Variants in SIPA1L1 observed in about 807,000 individuals in gnomAD.
SIPA1L1 encodes signal induced proliferation associated 1 like 1.
In SIPA1L1, 26 loss-of-function variants were observed where a neutral mutation model predicts 162.7. The ratio of observed to expected loss-of-function variants is 0.16; its 90% confidence interval spans 0.12 to 0.22. SIPA1L1 has a LOEUF of 0.22. Ranked by LOEUF, SIPA1L1 falls within the 10% of genes least tolerant of loss-of-function variation. SIPA1L1 has a pLI of 1.00. For missense variants in SIPA1L1, 1,874 were observed against 2,241.0 expected (o/e 0.84, Z 3.31); for synonymous variants, 829 against 837.4 (o/e 0.99, Z 0.17).
chr14:71,420,333 G>C (rs1476910258), intron 2 of SIPA1L1, among the ~76,000 whole-genome samples: 1 of 152,150 alleles, frequency 6.6e-6, no homozygotes, highest in Non-Finnish European at 1.5e-5. Flanking sequence ...ATTTATAGAG[G>C]GAGGATTGAA....
intron 12 of SIPA1L1, among the ~76,000 whole-genome samples, chr14:71,678,844 A>C (rs923340467): frequency 4.0e-5 from 6 of 151,846 alleles, no homozygotes; most frequent in Non-Finnish European, 8.8e-5. Context: ...CAGGGATTCA[A>C]CTTCTTCCTG....
intron 2 of SIPA1L1, among the ~76,000 whole-genome samples, chr14:71,401,720 T>C (rs940600913): frequency 2.0e-5 from 3 of 152,062 alleles, no homozygotes; most frequent in African/African-American, 7.2e-5. Context: ...GTTAAATGAA[T>C]GCTAAGAAAA....
chr14:71,633,155 ATGTTC>A (rs71448374), intron 7 of SIPA1L1, among the ~76,000 whole-genome samples: 20,082 of 125,204 alleles, frequency 0.16, 1,796 homozygotes, highest in East Asian at 0.31. Context: ...ATGTTATGTT[ATGTTC>A]TGTTCTGTTC....
chr14:71,723,560 C>T, intron 17 of SIPA1L1, 87 bp from the exon 18 acceptor site: 1 of 1,478,548 alleles, frequency 6.8e-7, no homozygotes, highest in South Asian at 1.2e-5. Flanking sequence ...GTTGTTCAAC[C>T]CAGCCATCAC....
intron 2 of SIPA1L1, among the ~76,000 whole-genome samples, chr14:71,326,115 T>G (rs536837559): frequency 3.3e-5 from 5 of 152,270 alleles, no homozygotes; most frequent in Non-Finnish European, 5.9e-5. Flanking sequence ...TTAATTGTGG[T>G]TATTTCTTTT....
At chr14:71,606,325 G>A (rs2037493839) in intron 5 of SIPA1L1, among the ~76,000 whole-genome samples, 1 of 152,148 alleles carries the variant, frequency 6.6e-6, no homozygotes, top group Admixed American at 6.5e-5. Flanking sequence ...GAGGAAGGGG[G>A]TTTGCTGCCA....
At chr14:71,604,496 G>C (rs1041946460) in intron 5 of SIPA1L1, among the ~76,000 whole-genome samples, 1 of 151,986 alleles carries the variant, frequency 6.6e-6, no homozygotes, top group African/African-American at 2.4e-5. Context: ...CATGTTGGTA[G>C]TAGTTATCAT....
chr14:71,464,514 G>T (rs943059027), intron 2 of SIPA1L1, among the ~76,000 whole-genome samples: 1 of 152,060 alleles, frequency 6.6e-6, no homozygotes, highest in Non-Finnish European at 1.5e-5. Flanking sequence ...GGTGGCACAC[G>T]TCTGGAATCC....
intron 2 of SIPA1L1, among the ~76,000 whole-genome samples, chr14:71,371,942 T>C (rs1457306142): frequency 6.6e-6 from 1 of 152,200 alleles, no homozygotes; most frequent in African/African-American, 2.4e-5. Context: ...TCTTAACCCT[T>C]ACTTGATCTC....
intron 4 of SIPA1L1, among the ~76,000 whole-genome samples, chr14:71,564,390 G>T (rs1258629261): frequency 7.0e-6 from 1 of 143,026 alleles, no homozygotes; most frequent in Non-Finnish European, 1.5e-5. Context: ...AAACATACAT[G>T]GAGGTCTGCT....
At chr14:71,705,445 C>T in intron 16 of SIPA1L1, 105 bp downstream of exon 16, 1 of 874,042 alleles carries the variant, frequency 1.1e-6, no homozygotes, top group South Asian at 1.5e-5. Context: ...AAGAGGAAAT[C>T]ATTCTGGCAA....
intron 2 of SIPA1L1, among the ~76,000 whole-genome samples, chr14:71,478,608 A>G (rs956844032): frequency 2.0e-5 from 3 of 152,310 alleles, no homozygotes; most frequent in East Asian, 1.9e-4. Flanking sequence ...TGAAAACACA[A>G]TCTTTCTCCA....
chr14:71,737,033 T>C (rs1442361017), intron 22 of SIPA1L1, among the ~76,000 whole-genome samples: 2 of 152,046 alleles, frequency 1.3e-5, no homozygotes, highest in Non-Finnish European at 2.9e-5. Context: ...TGCCGTACCA[T>C]ACTATGCGGT....
chr14:71,335,667 A>T (rs1477417759), intron 2 of SIPA1L1, among the ~76,000 whole-genome samples: 1 of 152,172 alleles, frequency 6.6e-6, no homozygotes, highest in Non-Finnish European at 1.5e-5. Context: ...GGCAGAAGTT[A>T]TTTTGGATAG....
intron 3 of SIPA1L1, among the ~76,000 whole-genome samples, chr14:71,518,554 T>C (rs1045672390): frequency 3.3e-5 from 5 of 152,222 alleles, no homozygotes; most frequent in Admixed American, 2.6e-4. Context: ...ATTTTTCATG[T>C]GAACTTCACA....
At chr14:71,677,566 G>T (rs990802154) in intron 12 of SIPA1L1, among the ~76,000 whole-genome samples, 15 of 152,130 alleles carry the variant, frequency 9.9e-5, no homozygotes, top group African/African-American at 3.4e-4. Flanking sequence ...TGTCCTGAAT[G>T]GTATTGCCTA....
intron 4 of SIPA1L1, among the ~76,000 whole-genome samples, chr14:71,543,811 ATATG>A (rs1220502978): frequency 6.7e-6 from 1 of 148,462 alleles, no homozygotes; most frequent in Non-Finnish European, 1.5e-5. Context: ...TAATGTATGT[ATATG>A]TATGTGTATA....
At chr14:71,562,056 A>G (rs1341173556) in intron 4 of SIPA1L1, among the ~76,000 whole-genome samples, 1 of 152,078 alleles carries the variant, frequency 6.6e-6, no homozygotes, top group Non-Finnish European at 1.5e-5. Flanking sequence ...ACAAAGATCT[A>G]TTAATATTTT....
intron 2 of SIPA1L1, among the ~76,000 whole-genome samples, chr14:71,484,970 A>G (rs1292768727): frequency 6.6e-6 from 1 of 152,214 alleles, no homozygotes; most frequent in Non-Finnish European, 1.5e-5. Flanking sequence ...CTGATTCTGC[A>G]CAAAGACAGG....
Sources: gnomAD v4.1 joint callset for allele counts (sites outside exome capture counted in the v4.1 genomes callset) on GRCh38, gnomAD v4.1.1 for gene constraint, MANE v1.5 for transcripts, NCBI Gene and HGNC (gene_info 2026-07-23, HGNC 2026-07-21) for gene names.